Variants in ACSL6 observed in about 807,000 individuals in gnomAD.
The protein encoded by ACSL6 is long-chain-fatty-acid--CoA ligase 6.
A neutral mutation model predicts 98.2 loss-of-function variants in ACSL6; 47 were observed. The observed-to-expected ratio is 0.48, with a 90% CI of 0.38 to 0.61. The LOEUF (loss-of-function observed/expected upper bound fraction) is 0.61, where lower values mean the gene tolerates loss of function less well. ACSL6 is among the 20% of genes least tolerant of loss of function. The probability of loss-of-function intolerance (pLI) is 0.00; values close to 1 mark genes in which losing one functional copy is unlikely to be tolerated. For synonymous variants in ACSL6, 362 were observed against 336.9 expected (o/e 1.07, Z -0.82); for missense variants, 761 against 913.4 (o/e 0.83, Z 2.15).
chr5:131,953,608 CA>C lies in ACSL6; in HGVS notation c.*625del. 5.4e-6 allele frequency: 1 copy of C among 185,286 alleles called. No homozygotes were observed. Among genetic ancestry groups the C allele is most frequent in the Non-Finnish European group, 1.1e-5 (1 of 87,770 alleles). The allele number at this position is 185,286 out of a possible 1,614,324, so 11.5% of individuals were successfully genotyped here. A position where few individuals can be genotyped will look rare whatever the true frequency, so the allele number is the denominator to read the frequency against. ...TGACAGAGCAGACCCTGTCTCAAAA[CA>C]AAAAGGAAAAAAAGAATTTCTGAAT... On this transcript the variant is annotated 3_prime_UTR_variant, in exon 21 of 21. Coordinates refer to ENST00000651883, the MANE Select transcript of ACSL6 (RefSeq NM_001009185.3).
At position 131,994,200 on chromosome 5, in the gene ACSL6, A is replaced by T. The variant is rs756286862; in HGVS notation, c.101T>A (p.Ile34Lys). 1 of 1,614,142 alleles carries T rather than the reference A, an allele frequency of 6.2e-7. No individual in the cohort carries two copies. Among genetic ancestry groups the T allele is most frequent in the Non-Finnish European group, 8.5e-7 (1 of 1,180,010 alleles). ...EKMQTQEILR[I>K]LRLPELGDLG... is the part of the protein sequence containing the mutation. Reference sequence around the variant, plus strand: ...GTCACCTAGCTCAGGCAGTCGCAGTATCCTCAGGATCTCCTGTGTCTGCAT... The same window carrying T: ...GTCACCTAGCTCAGGCAGTCGCAGTTTCCTCAGGATCTCCTGTGTCTGCAT... The change falls in exon 2 of 21, where the codon ATA (isoleucine) becomes AAA (lysine). Residue 34 changes from isoleucine (I) to lysine (K), a missense_variant. Transcript: ENST00000651883.
chr5:131,992,719 C>T (rs1199377986), intron 2 of ACSL6, among the ~76,000 whole-genome samples: 1 of 152,102 alleles, frequency 6.6e-6, no homozygotes, highest in African/African-American at 2.4e-5. Context: ...ACAAACTGGC[C>T]ATGTCTCTCC....
At chr5:131,963,069 C>T (rs930691994) in intron 17 of ACSL6, among the ~76,000 whole-genome samples, 3 of 152,118 alleles carry the variant, frequency 2.0e-5, no homozygotes, top group African/African-American at 4.8e-5. Context: ...TTCTCACCAG[C>T]ATCTTTGGTT....
In ACSL6 at chr5:132,011,652, CGCCGCT is replaced by C. The variant is rs1165378636; in HGVS notation, c.-105_-100del. On this transcript the variant is annotated 5_prime_UTR_variant, in exon 1 of 21. Coordinates refer to ENST00000651883, the MANE Select transcript of ACSL6 (RefSeq NM_001009185.3). The surrounding 1 kb of genome is among the most constrained non-coding windows in gnomAD (Gnocchi z 5.4). ...GCCCCAGCAGTAGCCGCGCCGCCGC[CGCCGCT>C]GCCGGGTATTTTTAGCCCCCGCCCT... 1 of 1,259,466 alleles carries C rather than the reference CGCCGCT, an allele frequency of 7.9e-7. No homozygotes were observed. Among genetic ancestry groups the C allele is most frequent in the Non-Finnish European group, 1.0e-6 (1 of 999,998 alleles). The allele number at this position is 1,259,466 out of a possible 1,614,324, so 78.0% of individuals were successfully genotyped here.
upstream of ACSL6, chr5:132,011,945 G>C (rs1444971634): frequency 3.2e-6 from 5 of 1,548,078 alleles, no homozygotes. The surrounding 1 kb of genome is among the most constrained non-coding windows in gnomAD (Gnocchi z 5.4). Context: ...CTGGAAGGGG[G>C]AGCACGGGCG....
intron 2 of ACSL6, among the ~76,000 whole-genome samples, chr5:131,992,619 C>T (rs1228876747): frequency 6.6e-6 from 1 of 152,216 alleles, no homozygotes. Flanking sequence ...TCTCACCATT[C>T]TGACACCATC....
intron 9 of ACSL6, 112 bp downstream of exon 9, chr5:131,985,295 A>C: frequency 1.5e-6 from 2 of 1,378,784 alleles, no homozygotes; most frequent in South Asian, 2.5e-5. Context: ...CAGGAACAAG[A>C]CAAGGCTCAG....
At chr5:131,967,146 G>T (rs1753054491) in intron 16 of ACSL6, among the ~76,000 whole-genome samples, 1 of 151,938 alleles carries the variant, frequency 6.6e-6, no homozygotes, top group Non-Finnish European at 1.5e-5. Context: ...AGGAGTTTAA[G>T]ATCAGCCTGG....
In ACSL6 at chr5:132,009,558, C is replaced by T. The variant is rs76285633; in HGVS notation, c.49+1947G>A. On this transcript the variant is annotated intron_variant, in intron 1 of 20. Transcript: ENST00000651883. ...TGTCTGGGTTATTCTATCCAATAAG[C>T]ACCATAGACCAGCCTCAGCCTCTTG... Among the ~76,000 whole-genome samples, 281 of 152,324 alleles carry T rather than the reference C, an allele frequency of 1.8e-3. 1 individual carries two copies. Among genetic ancestry groups the T allele is most frequent in the African/African-American group, 6.4e-3 (268 of 41,574 alleles).
chr5:131,958,349 A>G (rs913986266), intron 20 of ACSL6, among the ~76,000 whole-genome samples: 6 of 152,246 alleles, frequency 3.9e-5, no homozygotes, highest in African/African-American at 1.4e-4. Flanking sequence ...TCTGGTCTAC[A>G]TGATCACAGA....
intron 20 of ACSL6, 24 bp downstream of exon 20, chr5:131,959,512 G>A (rs777977624): frequency 1.2e-5 from 20 of 1,609,632 alleles, no homozygotes; most frequent in African/African-American, 6.7e-5. Flanking sequence ...GGGTTGTAAC[G>A]AGTATGGGGA....
intron 9 of ACSL6, chr5:131,983,187 T>C (rs892706988): frequency 6.6e-6 from 1 of 152,224 alleles, no homozygotes; most frequent in African/African-American, 2.4e-5. Context: ...ATTATCTTTT[T>C]TTCAGAGGTG....
chr5:131,988,739 G>T (rs1434158733), intron 6 of ACSL6, 66 bp downstream of exon 6: 1 of 1,576,010 alleles, frequency 6.3e-7, no homozygotes, highest in Non-Finnish European at 8.7e-7. Flanking sequence ...AGCATAACCT[G>T]AGAAGCTGGA....
Position 131,951,361 on chromosome 5 carries a change from T to G in ACSL6, c.*2873A>C. 1 of 199,842 alleles carries G rather than the reference T, an allele frequency of 5.0e-6. No homozygotes were observed. The highest frequency in any genetic ancestry group is 1.0e-5 in the Non-Finnish European group (1 of 96,732). The allele number at this position is 199,842 out of a possible 1,614,324, so 12.4% of individuals were successfully genotyped here. A position where few individuals can be genotyped will look rare whatever the true frequency, so the allele number is the denominator to read the frequency against. ...TCTGAAGCAAGAAGGATTTTTCCAC[T>G]GATACATAGGGTTTCATTTCTCATT... On this transcript the variant is annotated 3_prime_UTR_variant, in exon 21 of 21. Coordinates refer to ENST00000651883, the MANE Select transcript of ACSL6 (RefSeq NM_001009185.3).
At chr5:131,971,712 TCATCCAAGGTCAA>T in intron 13 of ACSL6, 67 bp from the exon 14 acceptor site, 2 of 1,366,790 alleles carry the variant, frequency 1.5e-6, no homozygotes, top group Non-Finnish European at 9.9e-7. Context: ...CATCTGGGTT[TCATCCAAGGTCAA>T]CATCCAACAA....
chr5:131,972,115 C>T (rs10068865), intron 13 of ACSL6, among the ~76,000 whole-genome samples: 2,025 of 152,202 alleles, frequency 0.013, 52 homozygotes, highest in African/African-American at 0.044. Context: ...ACTTGAAACA[C>T]TTTGTTTATG....
intron 11 of ACSL6, 148 bp from the exon 12 acceptor site, chr5:131,973,548 C>A (rs1404736359): frequency 1.4e-6 from 1 of 730,568 alleles, no homozygotes; most frequent in South Asian, 2.4e-5. Flanking sequence ...CTGATGAATG[C>A]CATCTGAGGT....
chr5:131,959,386 G>A, intron 20 of ACSL6, 150 bp downstream of exon 20: 1 of 763,840 alleles, frequency 1.3e-6, no homozygotes, highest in Non-Finnish European at 2.2e-6. Context: ...GAGGCAGCTT[G>A]GAACAGGCCT....
At chr5:132,011,904 A>G (rs747133422), upstream of ACSL6, 6 of 1,555,268 alleles carry the variant, frequency 3.9e-6, no homozygotes, top group East Asian at 4.8e-5. The surrounding 1 kb of genome is among the most constrained non-coding windows in gnomAD (Gnocchi z 5.4). Context: ...CCGCTCTCCA[A>G]CGTCAGTACC....
Sources: gnomAD v4.1 joint callset for allele counts (sites outside exome capture counted in the v4.1 genomes callset) on GRCh38, gnomAD v4.1.1 for gene constraint, Gnocchi (gnomAD v3.1) non-coding constraint, MANE v1.5 for transcripts, NCBI Gene and HGNC (gene_info 2026-07-23, HGNC 2026-07-21) for gene names.